The following CRHR2 variants were observed in gnomAD, a reference collection of about 807,000 sequenced individuals.
CRHR2 encodes the protein corticotropin-releasing hormone receptor 2.
CRHR2 carries 53 observed loss-of-function variants against 57.9 expected under a neutral mutation model. That is an observed-to-expected ratio of 0.92 (90% confidence interval 0.73 to 1.15). CRHR2 has a LOEUF of 1.15. CRHR2 is among the 50% of genes most tolerant of loss of function. The probability of loss-of-function intolerance (pLI) is 0.00; values close to 1 mark genes in which losing one functional copy is unlikely to be tolerated. For missense variants in CRHR2, 532 were observed against 542.6 expected, an observed-to-expected ratio of 0.98 and a Z score of 0.19; for synonymous variants, 213 against 220.9, an observed-to-expected ratio of 0.96 and a Z score of 0.32.
upstream of CRHR2, chr7:30,686,276 C>T: frequency 2.2e-6 from 3 of 1,341,054 alleles, no homozygotes; most frequent in Non-Finnish European, 2.9e-6. Context: ...GTCTCATCTA[C>T]CAGCCCATGC....
chr7:30,674,313 A>G (rs1191420173), intron 2 of CRHR2, among the ~76,000 whole-genome samples: 2 of 152,178 alleles, frequency 1.3e-5, no homozygotes. Context: ...TCCCGCCTCT[A>G]CTGTACAGGG....
chr7:30,695,278 T>C (rs1293125342), intron 1 of CRHR2, among the ~76,000 whole-genome samples: 2 of 152,104 alleles, frequency 1.3e-5, no homozygotes, highest in Non-Finnish European at 2.9e-5. Flanking sequence ...TGTAGGGTGT[T>C]GGATGTTGAG....
At chr7:30,693,996 C>A (rs1785008832) in intron 1 of CRHR2, among the ~76,000 whole-genome samples, 1 of 152,218 alleles carries the variant, frequency 6.6e-6, no homozygotes. Flanking sequence ...ACCATGCACA[C>A]CCCAGCCCAT....
chr7:30,685,967 T>C (rs1354848679), upstream of CRHR2, among the ~76,000 whole-genome samples: 1 of 152,026 alleles, frequency 6.6e-6, no homozygotes, highest in South Asian at 2.1e-4. Context: ...TCCTCACCCT[T>C]CTGCTCCATT....
intron 7 of CRHR2, among the ~76,000 whole-genome samples, 155 bp downstream of exon 7, chr7:30,662,001 G>A (rs1784017112): frequency 6.6e-6 from 1 of 152,154 alleles, no homozygotes; most frequent in Non-Finnish European, 1.5e-5. Flanking sequence ...CTGAGTGCAG[G>A]ACTATTTTTT....
chr7:30,670,507 A>T (rs545024197), intron 2 of CRHR2, among the ~76,000 whole-genome samples: 1 of 152,336 alleles, frequency 6.6e-6, no homozygotes, highest in African/African-American at 2.4e-5. Flanking sequence ...GGGATGCAGA[A>T]GCGGGAGGGG....
chr7:30,697,493 C>A (rs557390663), intron 1 of CRHR2, among the ~76,000 whole-genome samples: 6 of 152,148 alleles, frequency 3.9e-5, no homozygotes, highest in Non-Finnish European at 8.8e-5. Context: ...GCTAGATTAC[C>A]ACCTGCCTCC....
At chr7:30,685,205 G>A (rs1322968745), upstream of CRHR2, among the ~76,000 whole-genome samples, 1 of 152,220 alleles carries the variant, frequency 6.6e-6, no homozygotes, top group East Asian at 1.9e-4. Flanking sequence ...GCAGTGGACA[G>A]TTCCAGGCCA....
At chr7:30,655,175 G>T (rs903438052) in intron 10 of CRHR2, 95 bp from the exon 11 acceptor site, 28 of 1,282,510 alleles carry the variant, frequency 2.2e-5, no homozygotes, top group African/African-American at 5.9e-5. Flanking sequence ...GTGGGGGGGG[G>T]ACAATTTGAC....
At chr7:30,687,443 AAAAAG>A (rs1296229395), upstream of CRHR2, among the ~76,000 whole-genome samples, 3 of 152,290 alleles carry the variant, frequency 2.0e-5, no homozygotes, top group East Asian at 3.9e-4. Flanking sequence ...CCATTAAAAA[AAAAAG>A]AAAAGAAAAA....
intron 2 of CRHR2, among the ~76,000 whole-genome samples, chr7:30,670,754 A>C (rs1784331193): frequency 6.6e-6 from 1 of 152,208 alleles, no homozygotes; most frequent in South Asian, 2.1e-4. Context: ...GGCTGATGGC[A>C]AGGCTAGAAT....
intron 9 of CRHR2, 57 bp from the exon 10 acceptor site, chr7:30,655,772 A>G (rs111415208): frequency 0.046 from 72,823 of 1,596,838 alleles, 3,848 homozygotes; most frequent in African/African-American, 0.28. Flanking sequence ...GGCCTCACCC[A>G]GTGGGCGGCG....
At chr7:30,655,894 C>G in intron 9 of CRHR2, 33 bp downstream of exon 9, 1 of 1,609,908 alleles carries the variant, frequency 6.2e-7, no homozygotes, top group African/African-American at 1.3e-5. Flanking sequence ...TCCTCCTGTC[C>G]CCATTGTGGG....
rs1177303458 is a variant in CRHR2 at position 30,682,257 on chromosome 7, G to T, written c.24C>A (p.Ser8Arg). ...CCAGGCTGCAGTTGGCCTCCAGCAGGCTGTGGAGCAGTGCCGCGTCCATCG... is the reference window on the plus strand; with the variant it reads ...CCAGGCTGCAGTTGGCCTCCAGCAGTCTGTGGAGCAGTGCCGCGTCCATCG... The part of the protein sequence containing the change: MDAALLH[S>R]LLEANCSLAL... Residue 8 changes from serine (S) to arginine (R), a missense_variant, in exon 1 of 12, where the codon AGC (serine) becomes AGA (arginine). Ser to Arg is a moderately radical substitution (Grantham distance 110). Transcript: ENST00000471646. 1 of 1,585,834 alleles carries T rather than the reference G, an allele frequency of 6.3e-7. No homozygotes were observed. Among genetic ancestry groups the T allele is most frequent in the Non-Finnish European group, 8.5e-7 (1 of 1,173,132 alleles).
At position 30,667,335 on chromosome 7, in the gene CRHR2, A is replaced by G. The variant is rs775326902; in HGVS notation, c.230-22T>C. ...TTCCCTACAAAAAATGCCAACTGCC[A>G]AGAGTCAGGTCACTCCCCTCCTCAA... On this transcript the variant is annotated intron_variant, in intron 2 of 11. Transcript: ENST00000471646. 1.9e-6 allele frequency: 3 copies of G among 1,610,576 alleles called. No homozygotes were observed. In the South Asian group the frequency reaches 3.3e-5, roughly 18 times the overall value.
chr7:30,697,586 C>T lies in CRHR2; in HGVS notation c.-261+2358G>A, dbSNP rs150222588. Among the ~76,000 whole-genome samples the T allele has an allele frequency of 7.8e-3, 1,185 of 152,144 alleles. 26 individuals carry two copies. The highest frequency in any genetic ancestry group is 0.069 in the East Asian group (354 of 5,154). On this transcript the variant is annotated intron_variant, in intron 1 of 13. Coordinates refer to the CRHR2 transcript ENST00000341843. ...TGGGTTCCTCCAGGCTCTCAGTGTG[C>T]CCTGGGCCAGGGCATCCTCTTCACT...
chr7:30,662,929 C>T, intron 5 of CRHR2, 82 bp from the exon 6 acceptor site: 1 of 1,522,146 alleles, frequency 6.6e-7, no homozygotes, highest in Non-Finnish European at 8.9e-7. Context: ...GGCAACAAGA[C>T]ACAGGGCTCC....
chr7:30,682,456 T>C lies in CRHR2; in HGVS notation c.-176A>G. The C allele has an allele frequency of 5.2e-6, 7 of 1,339,550 alleles. No homozygotes were observed. In the South Asian group the frequency reaches 1.2e-4, roughly 22 times the overall value. 83.0% of individuals were successfully genotyped at this position (1,339,550 alleles called of 1,614,324 possible). Reference sequence around the variant, plus strand: ...CCTCCGGTCGCCCAGAGCTGTCAAGTGGGGACCTTCCCGGAGAGGAGCCGC... The same window carrying C: ...CCTCCGGTCGCCCAGAGCTGTCAAGCGGGGACCTTCCCGGAGAGGAGCCGC... On this transcript the variant is annotated 5_prime_UTR_variant, in exon 1 of 12. Transcript: ENST00000471646.
intron 9 of CRHR2, 43 bp downstream of exon 9, chr7:30,655,884 T>A: frequency 6.2e-7 from 1 of 1,606,818 alleles, no homozygotes. Flanking sequence ...CCCGATGACC[T>A]CCTCCTGTCC....
Sources: allele counts gnomAD v4.1 joint callset (sites outside exome capture counted in the v4.1 genomes callset), GRCh38; gene constraint gnomAD v4.1.1; transcripts MANE v1.5; gene names NCBI Gene and HGNC (gene_info 2026-07-23, HGNC 2026-07-21).